Variants in CFAP299 observed in about 807,000 individuals in gnomAD.
CFAP299 encodes the protein cilia- and flagella-associated protein 299.
CFAP299 carries 21 observed loss-of-function variants against 27.0 expected under a neutral mutation model. That is an observed-to-expected ratio of 0.78 (90% CI 0.55 to 1.12). CFAP299 has a LOEUF of 1.12. Ranked by LOEUF, CFAP299 falls within the 50% of genes most tolerant of loss-of-function variation. The pLI is 0.00. For synonymous variants in CFAP299, 104 were observed against 98.1 expected, an observed-to-expected ratio of 1.06 and a Z score of -0.36; for missense variants, 310 against 276.6, an observed-to-expected ratio of 1.12 and a Z score of -0.86.
chr4:80,380,972 C>T (rs558513214), intron 2 of CFAP299, among the ~76,000 whole-genome samples: 2 of 152,124 alleles, frequency 1.3e-5, no homozygotes, highest in South Asian at 2.1e-4. Flanking sequence ...TTTACCATTT[C>T]CTTTTCTCTC....
At chr4:80,749,451 G>A (rs1402186442) in intron 3 of CFAP299, among the ~76,000 whole-genome samples, 1 of 152,138 alleles carries the variant, frequency 6.6e-6, no homozygotes, top group South Asian at 2.1e-4. Flanking sequence ...ATGAAAGGAA[G>A]TTTATTTAGG....
At chr4:80,650,664 G>T (rs1267039479) in intron 3 of CFAP299, among the ~76,000 whole-genome samples, 1 of 152,112 alleles carries the variant, frequency 6.6e-6, no homozygotes, top group African/African-American at 2.4e-5. Flanking sequence ...GCATCTTAAA[G>T]TTTTTGCTTC....
chr4:80,583,272 G>A (rs906430480), intron 3 of CFAP299, 89 bp downstream of exon 3: 2 of 643,326 alleles, frequency 3.1e-6, no homozygotes, highest in Admixed American at 3.2e-5. Context: ...CTTTCTTAAA[G>A]TAATTTACAA....
At chr4:80,387,367 G>A in intron 2 of CFAP299, 1 of 1,314,038 alleles carries the variant, frequency 7.6e-7, no homozygotes, top group African/African-American at 1.4e-5. Flanking sequence ...TCTTATGCTG[G>A]GTCATGTGAG....
chr4:80,948,998 G>T (rs1178965626), intron 5 of CFAP299, among the ~76,000 whole-genome samples: 1 of 152,104 alleles, frequency 6.6e-6, no homozygotes, highest in African/African-American at 2.4e-5. Context: ...ATCAGATTTT[G>T]TAGGAACTAT....
intron 2 of CFAP299, among the ~76,000 whole-genome samples, chr4:80,575,348 A>G (rs965908154): frequency 2.0e-5 from 3 of 150,840 alleles, no homozygotes; most frequent in Non-Finnish European, 4.4e-5. Context: ...TTTTTTGAGA[A>G]CAGATCTCAC....
chr4:80,937,307 TC>T lies in CFAP299; in HGVS notation c.477-7502del, dbSNP rs1560484264. Among the ~76,000 whole-genome samples, 408 of 132,724 alleles carry T rather than the reference TC, an allele frequency of 3.1e-3. 6 individuals carry two copies. The highest frequency in any genetic ancestry group is 6.2e-3 in the African/African-American group (188 of 30,556). 87.1% of individuals were successfully genotyped at this position (132,724 alleles called of 152,430 possible). ...ATCATTTTTCTTTTTTCTTTTTTTT[TC>T]TTTCTTTTTTTTTTTTTTTTTTTTT... On this transcript the variant is annotated intron_variant, in intron 4 of 5. Coordinates refer to ENST00000358105, the MANE Select transcript of CFAP299 (RefSeq NM_152770.3).
intron 3 of CFAP299, among the ~76,000 whole-genome samples, chr4:80,813,149 A>G (rs1047972893): frequency 6.6e-6 from 1 of 152,108 alleles, no homozygotes; most frequent in Non-Finnish European, 1.5e-5. Context: ...TTTTCTGCCT[A>G]TATGCACAAA....
intron 4 of CFAP299, among the ~76,000 whole-genome samples, chr4:80,915,444 C>A (rs7675096): frequency 0.045 from 6,782 of 151,950 alleles, 546 homozygotes; most frequent in African/African-American, 0.15. Flanking sequence ...GTATTTTTCA[C>A]AATTTTTGAT....
intron 3 of CFAP299, among the ~76,000 whole-genome samples, chr4:80,795,977 T>C (rs373933335): frequency 2.0e-5 from 3 of 152,144 alleles, no homozygotes; most frequent in Non-Finnish European, 2.9e-5. Context: ...TCAAGCACCA[T>C]TGGATTTGCT....
chr4:80,930,140 T>C (rs1038941737), intron 4 of CFAP299, among the ~76,000 whole-genome samples: 2 of 152,126 alleles, frequency 1.3e-5, no homozygotes, highest in Non-Finnish European at 2.9e-5. Context: ...TCATCACCAA[T>C]GGCCATTGGC....
At chr4:80,850,505 T>A (rs999111077) in intron 3 of CFAP299, among the ~76,000 whole-genome samples, 1 of 151,794 alleles carries the variant, frequency 6.6e-6, no homozygotes, top group Non-Finnish European at 1.5e-5. Context: ...TTTCTAAAAC[T>A]TGAGTTTTAG....
chr4:80,935,696 A>T lies in CFAP299; in HGVS notation c.477-9114A>T, dbSNP rs185069687. On this transcript the variant is annotated intron_variant, in intron 4 of 5. Transcript: ENST00000358105. ...CAAAGATGCCAAAAGCAATTGTAAC[A>T]AAATAAAAAATTGACAAATGGGATC... 4.0e-3 allele frequency among the ~76,000 whole-genome samples: 616 copies of T among 152,270 alleles called. 1 individual carries two copies. The highest frequency in any genetic ancestry group is 0.014 in the Middle Eastern group (4 of 294).
chr4:80,602,328 C>T (rs1033851893), intron 3 of CFAP299, among the ~76,000 whole-genome samples: 5 of 152,082 alleles, frequency 3.3e-5, no homozygotes, highest in African/African-American at 9.7e-5. Context: ...AGAATGCTTG[C>T]AATCACTTCA....
intron 4 of CFAP299, among the ~76,000 whole-genome samples, chr4:80,891,843 A>G (rs1210232151): frequency 1.4e-5 from 2 of 147,336 alleles, no homozygotes; most frequent in African/African-American, 4.9e-5. Context: ...AAAAAAAAAA[A>G]AAAAAAGAAA....
At chr4:80,629,671 G>C (rs1739105160) in intron 3 of CFAP299, among the ~76,000 whole-genome samples, 1 of 152,042 alleles carries the variant, frequency 6.6e-6, no homozygotes, top group Non-Finnish European at 1.5e-5. Context: ...CTTGAGGTCA[G>C]GAGTTCAAGA....
intron 2 of CFAP299, among the ~76,000 whole-genome samples, chr4:80,430,979 C>A (rs1211001950): frequency 6.6e-6 from 1 of 152,194 alleles, no homozygotes; most frequent in Non-Finnish European, 1.5e-5. Flanking sequence ...TCACATCCTT[C>A]AGGTTTGTTT....
At chr4:80,853,082 G>T (rs1445838567) in intron 3 of CFAP299, among the ~76,000 whole-genome samples, 8 of 151,944 alleles carry the variant, frequency 5.3e-5, no homozygotes, top group Non-Finnish European at 1.2e-4. Context: ...CCAGGCTGGA[G>T]TGCAGTGGCA....
chr4:80,917,015 T>G (rs764534536), intron 4 of CFAP299, among the ~76,000 whole-genome samples: 1 of 151,904 alleles, frequency 6.6e-6, no homozygotes, highest in Non-Finnish European at 1.5e-5. Flanking sequence ...TCAGCAACAT[T>G]TGGAAGGAAG....
Sources: allele counts gnomAD v4.1 joint callset (sites outside exome capture counted in the v4.1 genomes callset), GRCh38; gene constraint gnomAD v4.1.1; transcripts MANE v1.5; gene names NCBI Gene and HGNC (gene_info 2026-07-23, HGNC 2026-07-21).